BCL2L1: variants seen among roughly 807,000 people sequenced by gnomAD.
BCL2L1 encodes BCL2 like 1, also known as bcl-2-like protein 1.
Under a neutral mutation model 18.7 loss-of-function variants are expected in BCL2L1, and 1 was observed. The ratio of observed to expected loss-of-function variants is 0.05; its 90% CI spans 0.02 to 0.25. The LOEUF (loss-of-function observed/expected upper bound fraction) is 0.25. BCL2L1 is among the 10% of genes least tolerant of loss of function. BCL2L1 has a pLI of 1.00. For missense variants in BCL2L1, 207 were observed against 304.9 expected, an observed-to-expected ratio of 0.68 and a Z score of 2.39; for synonymous variants, 103 against 122.7, an observed-to-expected ratio of 0.84 and a Z score of 1.06.
intron 2 of BCL2L1, chr20:31,720,668 G>A (rs2061608840): frequency 1.0e-6 from 1 of 976,750 alleles, no homozygotes. Flanking sequence ...GTAAGGCAAG[G>A]AGAGCTTGCC....
chr20:31,670,498 G>T lies in BCL2L1; in HGVS notation c.565-4412C>A, dbSNP rs1600752952. Among the ~76,000 whole-genome samples, 4 of 152,324 alleles carry T rather than the reference G, an allele frequency of 2.6e-5. No homozygotes were observed. In the South Asian group the frequency reaches 8.3e-4, roughly 32 times the overall value. On this transcript the variant is annotated intron_variant, in intron 2 of 2. Coordinates refer to ENST00000307677, the MANE Select transcript of BCL2L1 (RefSeq NM_138578.3). ...CAGGAAATTTTCAGCTCTGGGGCTG[G>T]GTTGGAGTAAACAGGCGCTGTCCCC... is the stretch of plus-strand genomic sequence containing the variant.
intron 2 of BCL2L1, among the ~76,000 whole-genome samples, chr20:31,699,793 T>C (rs1054724975): frequency 6.6e-6 from 1 of 152,226 alleles, no homozygotes; most frequent in African/African-American, 2.4e-5. Context: ...TAATGGACCA[T>C]TTAGCACACA....
At chr20:31,698,454 T>C (rs1350009559) in intron 2 of BCL2L1, among the ~76,000 whole-genome samples, 1 of 152,074 alleles carries the variant, frequency 6.6e-6, no homozygotes. Context: ...CAGGCTGATG[T>C]TGAATTCCTG....
chr20:31,707,581 C>G (rs2061387304), intron 2 of BCL2L1, among the ~76,000 whole-genome samples: 2 of 151,928 alleles, frequency 1.3e-5, no homozygotes, highest in East Asian at 1.9e-4. Context: ...GAGTTCGAGA[C>G]CAGCCTGATC....
At chr20:31,672,673 C>T (rs1240140881) in intron 2 of BCL2L1, among the ~76,000 whole-genome samples, 2 of 152,188 alleles carry the variant, frequency 1.3e-5, no homozygotes, top group South Asian at 2.1e-4. Flanking sequence ...TGCCCAGAGG[C>T]AGCCAACTGA....
chr20:31,702,740 A>G (rs2061299878), intron 2 of BCL2L1, among the ~76,000 whole-genome samples: 1 of 150,806 alleles, frequency 6.6e-6, no homozygotes, highest in Non-Finnish European at 1.5e-5. Flanking sequence ...TCGAACCCCC[A>G]ACCTCAGGTG....
chr20:31,717,279 A>G (rs2061551625), intron 2 of BCL2L1, among the ~76,000 whole-genome samples: 1 of 152,210 alleles, frequency 6.6e-6, no homozygotes, highest in African/African-American at 2.4e-5. Flanking sequence ...CTCAGGACAG[A>G]TATCTGCTGG....
intron 2 of BCL2L1, among the ~76,000 whole-genome samples, chr20:31,682,744 T>G (rs560175943): frequency 6.6e-6 from 1 of 152,304 alleles, no homozygotes; most frequent in South Asian, 2.1e-4. Flanking sequence ...TGTGAGCCAC[T>G]GTGCCTGGCC....
chr20:31,690,863 A>C (rs2061054894), intron 2 of BCL2L1, among the ~76,000 whole-genome samples: 4 of 152,140 alleles, frequency 2.6e-5, no homozygotes, highest in Non-Finnish European at 5.9e-5. Flanking sequence ...ATATTAATAC[A>C]GTAGGCCAGG....
chr20:31,723,624 C>T, upstream of BCL2L1: 1 of 985,512 alleles, frequency 1.0e-6, no homozygotes, highest in Non-Finnish European at 1.2e-6. Flanking sequence ...TCGCCCCCGG[C>T]GGTCCGCCCC....
At chr20:31,675,378 G>A (rs1568854282) in intron 2 of BCL2L1, among the ~76,000 whole-genome samples, 2 of 152,202 alleles carry the variant, frequency 1.3e-5, no homozygotes, top group African/African-American at 2.4e-5. Flanking sequence ...GGGAGAGGCT[G>A]ATAAATGTGT....
intron 2 of BCL2L1, among the ~76,000 whole-genome samples, chr20:31,698,036 C>T (rs147005867): frequency 3.7e-4 from 57 of 152,022 alleles, no homozygotes; most frequent in African/African-American, 1.4e-3. Context: ...GATAGGCACA[C>T]GCCATCATGC....
At chr20:31,697,892 G>GTTTTTTTTTTTTTT (rs199575410) in intron 2 of BCL2L1, among the ~76,000 whole-genome samples, 9 of 129,646 alleles carry the variant, frequency 6.9e-5, no homozygotes, top group South Asian at 2.3e-4. Context: ...TGCTGTTGCT[G>GTTTTTTTTTTTTTT]TTTTTTTTTT....
upstream of BCL2L1, chr20:31,723,609 G>A (rs1341800798): frequency 4.1e-6 from 4 of 985,490 alleles, no homozygotes; most frequent in Non-Finnish European, 4.8e-6. Context: ...CTGAGAGGAG[G>A]GGCCTCGCCC....
chr20:31,694,804 C>G (rs2061140955), intron 2 of BCL2L1, among the ~76,000 whole-genome samples: 1 of 152,060 alleles, frequency 6.6e-6, no homozygotes, highest in Non-Finnish European at 1.5e-5. Flanking sequence ...GTAAGCAGGG[C>G]CTGGTGGCGT....
chr20:31,686,992 T>A (rs1439529212), intron 2 of BCL2L1, among the ~76,000 whole-genome samples: 2 of 152,140 alleles, frequency 1.3e-5, no homozygotes, highest in Admixed American at 6.6e-5. Flanking sequence ...GACAATAACA[T>A]GTTTCCCAAG....
chr20:31,709,840 C>CAA lies in BCL2L1; in HGVS notation c.564+11813_564+11814dup, dbSNP rs56937786. ...ACTGAGCAAGAGCAAGACTCCATCTCAAAAAAAAAAAAAAAAAAAAAAAAA... is the reference window on the plus strand; with the variant it reads ...ACTGAGCAAGAGCAAGACTCCATCTCAAAAAAAAAAAAAAAAAAAAAAAAAAA... On this transcript the variant is annotated intron_variant, in intron 2 of 2. Transcript: ENST00000307677. 1.3e-3 allele frequency among the ~76,000 whole-genome samples: 85 copies of CAA among 64,054 alleles called. 4 individuals are homozygous for CAA. Among genetic ancestry groups the CAA allele is most frequent in the East Asian group, 0.01 (5 of 480 alleles). 42.0% of individuals were successfully genotyped at this position (64,054 alleles called of 152,430 possible). A position where few individuals can be genotyped will look rare whatever the true frequency, so the allele number is the denominator to read the frequency against.
chr20:31,672,456 C>T (rs1051559558), intron 2 of BCL2L1, among the ~76,000 whole-genome samples: 18 of 151,296 alleles, frequency 1.2e-4, no homozygotes, highest in Middle Eastern at 3.4e-3. Context: ...AAGAGCAAAA[C>T]CCTGTCTCAA....
Position 31,665,986 on chromosome 20 carries a change from C to A in BCL2L1, c.665G>T (p.Gly222Val). 1 of 1,614,056 alleles carries A rather than the reference C, an allele frequency of 6.2e-7. No individual in the cohort carries two copies. Among genetic ancestry groups the A allele is most frequent in the Non-Finnish European group, 8.5e-7 (1 of 1,180,024 alleles). Residue 222 changes from glycine (G) to valine (V), a missense_variant, in exon 3 of 3, where the codon GGC (glycine) becomes GTC (valine). Gly to Val is a moderately radical substitution (Grantham distance 109). Coordinates refer to ENST00000307677, the MANE Select transcript of BCL2L1 (RefSeq NM_138578.3). ...GAAGAGTGAGCCCAGCAGAACCACG[C>A]CGGCCACAGTCATGCCCGTCAGGAA... ...RWFLTGMTVAGVVLLGSLFSR... is the reference protein window; with the variant it reads ...RWFLTGMTVAVVVLLGSLFSR...
Sources: allele counts gnomAD v4.1 joint callset (sites outside exome capture counted in the v4.1 genomes callset), GRCh38; gene constraint gnomAD v4.1.1; transcripts MANE v1.5; gene names NCBI Gene and HGNC (gene_info 2026-07-23, HGNC 2026-07-21).